SRRM4: variants seen among roughly 807,000 people sequenced by gnomAD.
SRRM4 encodes serine/arginine repetitive matrix protein 4.
SRRM4 carries 33 observed loss-of-function variants against 68.9 expected under a neutral mutation model. The ratio of observed to expected loss-of-function variants is 0.48; its 90% CI spans 0.36 to 0.64. The LOEUF is 0.64. Among genes scored for constraint, SRRM4 ranks in the 30% least tolerant of loss-of-function variants. The pLI is 0.00. For missense variants in SRRM4, 817 were observed against 827.1 expected, an observed-to-expected ratio of 0.99 and a Z score of 0.15; for synonymous variants, 318 against 318.8, an observed-to-expected ratio of 1.00 and a Z score of 0.03.
At chr12:118,992,473 C>A (rs1164010659) in intron 1 of SRRM4, among the ~76,000 whole-genome samples, 2 of 152,220 alleles carry the variant, frequency 1.3e-5, no homozygotes, top group East Asian at 3.9e-4. Context: ...GATTTCAGAA[C>A]TTCCAGCTGA....
rs1416348738 is a variant in SRRM4, at chr12:119,041,206, G to T, written c.131+59193G>T. Among the ~76,000 whole-genome samples the T allele has an allele frequency of 2.0e-5, 3 of 152,286 alleles. No individual in the cohort carries two copies. In the East Asian group the frequency reaches 5.8e-4, roughly 29 times the overall value. On this transcript the variant is annotated intron_variant, in intron 1 of 12. Transcript: ENST00000267260. ...AAGGCACAGAGAGGTCAAGCCATTT[G>T]CCTAAGACACCCAGCTAATAAGTGC...
intron 1 of SRRM4, among the ~76,000 whole-genome samples, chr12:119,023,086 T>C (rs1176651195): frequency 2.0e-5 from 3 of 152,216 alleles, no homozygotes; most frequent in African/African-American, 7.2e-5. Flanking sequence ...CATGGTTGGC[T>C]TCCATCAATT....
At chr12:119,035,448 G>A (rs1221819933) in intron 1 of SRRM4, among the ~76,000 whole-genome samples, 1 of 152,190 alleles carries the variant, frequency 6.6e-6, no homozygotes, top group South Asian at 2.1e-4. Flanking sequence ...ATTCAGCCAA[G>A]CAAAGTTTTC....
intron 1 of SRRM4, among the ~76,000 whole-genome samples, chr12:118,987,101 A>C (rs1695920594): frequency 6.6e-6 from 1 of 152,130 alleles, no homozygotes; most frequent in African/African-American, 2.4e-5. Flanking sequence ...AGTCAAATCT[A>C]TCCAGGCTCA....
intron 1 of SRRM4, among the ~76,000 whole-genome samples, chr12:119,075,237 A>T (rs1953900629): frequency 6.6e-6 from 1 of 152,246 alleles, no homozygotes; most frequent in African/African-American, 2.4e-5. Context: ...ATATTCTGAC[A>T]CAATGTGCCA....
chr12:119,133,681 C>T (rs1186365378), intron 8 of SRRM4, among the ~76,000 whole-genome samples: 2 of 152,208 alleles, frequency 1.3e-5, no homozygotes, highest in African/African-American at 2.4e-5. Context: ...AAGTTTTTCT[C>T]TCTGTTAAAG....
chr12:119,040,697 G>A (rs989911892), intron 1 of SRRM4, among the ~76,000 whole-genome samples: 2 of 152,140 alleles, frequency 1.3e-5, no homozygotes, highest in African/African-American at 4.8e-5. Flanking sequence ...CTTTTCTGCA[G>A]GGTAGATACC....
At chr12:119,100,176 C>T (rs1219706561) in intron 1 of SRRM4, among the ~76,000 whole-genome samples, 1 of 151,990 alleles carries the variant, frequency 6.6e-6, no homozygotes, top group Non-Finnish European at 1.5e-5. Flanking sequence ...GCTCTGTATG[C>T]TGCTTTAGTC....
chr12:119,064,086 G>A (rs1953830765), intron 1 of SRRM4, among the ~76,000 whole-genome samples: 2 of 152,164 alleles, frequency 1.3e-5, no homozygotes, highest in Admixed American at 6.5e-5. Flanking sequence ...TTTAATGGGA[G>A]CAGGGTGAGA....
intron 1 of SRRM4, among the ~76,000 whole-genome samples, chr12:118,987,455 G>T (rs555132014): frequency 6.6e-6 from 1 of 152,260 alleles, no homozygotes; most frequent in East Asian, 1.9e-4. Flanking sequence ...ATGTGGCTTT[G>T]GTGCTCCCTA....
intron 10 of SRRM4, among the ~76,000 whole-genome samples, chr12:119,151,505 AT>A (rs1954439120): frequency 6.6e-6 from 1 of 152,228 alleles, no homozygotes. Flanking sequence ...ATCAGTTATT[AT>A]TGCTGCTATT....
At chr12:118,982,299 T>C (rs1345533071) in intron 1 of SRRM4, among the ~76,000 whole-genome samples, 1 of 152,068 alleles carries the variant, frequency 6.6e-6, no homozygotes, top group African/African-American at 2.4e-5. Flanking sequence ...GGGGTACGAC[T>C]TGACTGAAAA....
chr12:119,079,397 G>C (rs1953934474), intron 1 of SRRM4, among the ~76,000 whole-genome samples: 1 of 152,182 alleles, frequency 6.6e-6, no homozygotes, highest in Non-Finnish European at 1.5e-5. Flanking sequence ...CCTAGCTGCA[G>C]TGGACAAGAA....
intron 8 of SRRM4, among the ~76,000 whole-genome samples, chr12:119,136,023 G>T (rs938045031): frequency 6.7e-6 from 1 of 148,786 alleles, no homozygotes; most frequent in African/African-American, 2.6e-5. Flanking sequence ...CTTATGCTCT[G>T]TGTGAAAAAA....
intron 1 of SRRM4, among the ~76,000 whole-genome samples, chr12:119,088,993 C>T (rs1386373917): frequency 3.3e-5 from 5 of 152,182 alleles, no homozygotes; most frequent in African/African-American, 1.2e-4. Context: ...GATGAAGTGA[C>T]TCGCCCGGGA....
intron 7 of SRRM4, among the ~76,000 whole-genome samples, chr12:119,130,142 C>T (rs553585754): frequency 7.2e-4 from 97 of 135,492 alleles, no homozygotes; most frequent in Non-Finnish European, 1.1e-3. Flanking sequence ...AGTGGATGAA[C>T]GGATGGATGG....
In SRRM4 at chr12:119,140,152, A is replaced by G. The variant is rs149870057; in HGVS notation, c.772-5229A>G. On this transcript the variant is annotated intron_variant, in intron 8 of 12. Coordinates refer to ENST00000267260, the MANE Select transcript of SRRM4 (RefSeq NM_194286.4). The stretch of plus-strand genomic sequence containing the variant: ...ACTTTGGGAGGCTGAGGCGGAACAG[A>G]TCACCTGAGATCAGGAGTTCGAGAC... Among the ~76,000 whole-genome samples the G allele has an allele frequency of 4.3e-3, 656 of 152,300 alleles. 2 individuals carry two copies. The highest frequency in any genetic ancestry group is 7.0e-3 in the Non-Finnish European group (473 of 68,024).
At chr12:118,982,559 G>A (rs993564178) in intron 1 of SRRM4, among the ~76,000 whole-genome samples, 2 of 151,952 alleles carry the variant, frequency 1.3e-5, no homozygotes, top group African/African-American at 2.4e-5. Flanking sequence ...GGCTGCTGCC[G>A]CTGCTGCTGA....
chr12:119,057,943 A>G (rs932037701), intron 1 of SRRM4, among the ~76,000 whole-genome samples: 6 of 152,174 alleles, frequency 3.9e-5, no homozygotes, highest in African/African-American at 7.2e-5. Context: ...GCACAAAACC[A>G]TGATCTTCCC....
Sources: gnomAD v4.1 joint callset for allele counts (sites outside exome capture counted in the v4.1 genomes callset) on GRCh38, gnomAD v4.1.1 for gene constraint, MANE v1.5 for transcripts, NCBI Gene and HGNC (gene_info 2026-07-23, HGNC 2026-07-21) for gene names.